CHST6: variants seen among roughly 807,000 people sequenced by gnomAD.
CHST6 encodes the protein carbohydrate sulfotransferase 6.
For synonymous variants in CHST6, 309 were observed against 276.4 expected, an observed-to-expected ratio of 1.12 and a Z score of -1.17; for missense variants, 698 against 586.2, an observed-to-expected ratio of 1.19 and a Z score of -1.97.
chr16:75,485,796 C>T (rs1161315617), intron 1 of CHST6, among the ~76,000 whole-genome samples: 1 of 152,218 alleles, frequency 6.6e-6, no homozygotes, highest in Non-Finnish European at 1.5e-5. Flanking sequence ...GAAGACACAT[C>T]TGGCTATGTG....
chr16:75,485,963 C>A (rs1193397746), intron 1 of CHST6, among the ~76,000 whole-genome samples: 1 of 152,204 alleles, frequency 6.6e-6, no homozygotes, highest in Non-Finnish European at 1.5e-5. Context: ...CCCAGAGGTG[C>A]CTACACCACA....
intron 1 of CHST6, among the ~76,000 whole-genome samples, chr16:75,488,655 C>T (rs997415010): frequency 6.6e-6 from 1 of 152,050 alleles, no homozygotes; most frequent in African/African-American, 2.4e-5. Flanking sequence ...GAGAAGAAAA[C>T]AGAAAATGAG....
In CHST6 at chr16:75,479,222, C is replaced by T. The variant is rs765507898; in HGVS notation, c.607G>A (p.Asp203Asn). 6.8e-6 allele frequency: 11 copies of T among 1,610,528 alleles called. No individual in the cohort carries two copies. Among genetic ancestry groups the T allele is most frequent in the East Asian group, 2.2e-5 (1 of 44,856 alleles). The change falls in exon 3 of 3, where the codon GAC becomes AAC. Residue 203 changes from aspartate to asparagine, a missense_variant. Asp to Asn is a conservative substitution (Grantham distance 23). Transcript: ENST00000332272. Reference protein sequence around the residue: ...LNLRIVHLVRDPRAVLRSREQ... With the variant: ...LNLRIVHLVRNPRAVLRSREQ... Reference sequence around the variant, plus strand: ...CGGGAGCGCAGCACGGCCCGCGGGTCGCGCACCAGGTGCACGATGCGTAGG... The same window carrying T: ...CGGGAGCGCAGCACGGCCCGCGGGTTGCGCACCAGGTGCACGATGCGTAGG...
intron 1 of CHST6, among the ~76,000 whole-genome samples, chr16:75,493,928 T>C (rs538905548): frequency 5.6e-4 from 85 of 152,260 alleles, no homozygotes; most frequent in African/African-American, 2.0e-3. Context: ...CACTGCAACC[T>C]CCGCCTCCTG....
intron 1 of CHST6, among the ~76,000 whole-genome samples, chr16:75,491,057 C>T (rs893495541): frequency 2.0e-5 from 3 of 148,214 alleles, no homozygotes; most frequent in Non-Finnish European, 4.5e-5. Flanking sequence ...AATCCCAGCA[C>T]TTTGGATTAA....
chr16:75,484,829 G>A (rs1268619119), intron 1 of CHST6, among the ~76,000 whole-genome samples: 2 of 152,132 alleles, frequency 1.3e-5, no homozygotes, highest in Non-Finnish European at 2.9e-5. Flanking sequence ...GGGCGACAGA[G>A]CGAGACTCCA....
Position 75,479,106 on chromosome 16 carries a change from C to G in CHST6, c.723G>C (p.Val241=), listed in dbSNP as rs758320093. The part of the protein sequence containing the change: ...TWVEADPGLR[V]VREVCRSHVR... ...CGTGGCTACGGCACACCTCGCGCAC[C>G]ACGCGCAGGCCGGGGTCGGCCTCCA... Residue 241 remains valine (V), a synonymous_variant, in exon 3 of 3, where the codon GTG becomes GTC. Transcript: ENST00000332272. The G allele has an allele frequency of 1.9e-6, 3 of 1,605,056 alleles. No individual in the cohort carries two copies. The highest frequency in any genetic ancestry group is 1.7e-6 in the Non-Finnish European group (2 of 1,178,718).
At chr16:75,483,307 C>T (rs971135200) in intron 1 of CHST6, among the ~76,000 whole-genome samples, 2 of 152,208 alleles carry the variant, frequency 1.3e-5, no homozygotes, top group Non-Finnish European at 2.9e-5. Context: ...TCAGCCCTTC[C>T]CTGGGTAGGG....
intron 1 of CHST6, among the ~76,000 whole-genome samples, chr16:75,483,745 C>T (rs931357759): frequency 3.3e-5 from 5 of 152,132 alleles, no homozygotes; most frequent in Non-Finnish European, 5.9e-5. Context: ...AAGAGCCAGC[C>T]GGGTACGGTA....
At chr16:75,489,073 C>A (rs1373374771) in intron 1 of CHST6, among the ~76,000 whole-genome samples, 1 of 151,680 alleles carries the variant, frequency 6.6e-6, no homozygotes, top group African/African-American at 2.4e-5. Flanking sequence ...ATGATCATCC[C>A]TATTTTATAG....
At chr16:75,492,306 T>C (rs1432948029) in intron 1 of CHST6, among the ~76,000 whole-genome samples, 1 of 152,208 alleles carries the variant, frequency 6.6e-6, no homozygotes. Context: ...TGTAGTACCT[T>C]ACAGCTGGAG....
At chr16:75,488,137 T>A (rs993162975) in intron 1 of CHST6, among the ~76,000 whole-genome samples, 1 of 152,104 alleles carries the variant, frequency 6.6e-6, no homozygotes, top group African/African-American at 2.4e-5. Context: ...GATTTCTCTG[T>A]TTAGAGTTGG....
rs1167078773 is a variant in CHST6, at chr16:75,472,672, A to T, written c.*5969T>A. ...GGGTGACAAAGGCACATCAAAGACA[A>T]AGCTAGGGGACACAGGGTCTGTGGT... On this transcript the variant is annotated 3_prime_UTR_variant, in exon 3 of 3. Coordinates refer to ENST00000332272, the MANE Select transcript of CHST6 (RefSeq NM_021615.5). The T allele has an allele frequency of 6.6e-6, 1 of 152,268 alleles. No homozygotes were observed. Among genetic ancestry groups the T allele is most frequent in the Non-Finnish European group, 1.5e-5 (1 of 68,052 alleles). The allele number at this position is 152,268 out of a possible 1,614,324, so 9.4% of individuals were successfully genotyped here. A position where few individuals can be genotyped will look rare whatever the true frequency, so the allele number is the denominator to read the frequency against.
chr16:75,491,747 C>T (rs1265932911), intron 1 of CHST6, among the ~76,000 whole-genome samples: 2 of 152,174 alleles, frequency 1.3e-5, no homozygotes, highest in Non-Finnish European at 2.9e-5. Context: ...ATGATAAAAT[C>T]AGAAATTTCT....
chr16:75,491,180 AAAAAAAAAAAAT>A (rs1427556511), intron 1 of CHST6, among the ~76,000 whole-genome samples: 458 of 81,570 alleles, frequency 5.6e-3, no homozygotes, highest in South Asian at 0.018. Context: ...AAAAAAAAAA[AAAAAAAAAAAAT>A]ATATATATAT....
rs1428486265 is a variant in CHST6 at position 75,478,936 on chromosome 16, T to G, written c.893A>C (p.Gln298Pro). 2 of 1,612,958 alleles carry G rather than the reference T, an allele frequency of 1.2e-6. No individual in the cohort carries two copies. Among genetic ancestry groups the G allele is most frequent in the African/African-American group, 1.3e-5 (1 of 74,920 alleles). ...GATGTTATGGATCCAGGCCTCGAGC[T>G]GTGGCGTGAGACTGAGCCCAGTGAA... ...YAFTGLSLTP[Q>P]LEAWIHNITH... The change falls in exon 3 of 3, where the codon CAG (glutamine) becomes CCG (proline). Residue 298 changes from glutamine to proline, a missense_variant. Coordinates refer to ENST00000332272, the MANE Select transcript of CHST6 (RefSeq NM_021615.5).
rs1280090242 is a variant in CHST6 at position 75,479,576 on chromosome 16, C to T, written c.253G>A (p.Ala85Thr). Residue 85 changes from alanine (A) to threonine (T), a missense_variant, in exon 3 of 3, where the codon GCC (alanine) becomes ACC (threonine). Ala to Thr is a moderately conservative substitution (Grantham distance 58). Transcript: ENST00000332272. Reference protein sequence around the residue: ...HVWTTLSQGSAATLHMAVRDL... With the variant: ...HVWTTLSQGSTATLHMAVRDL... ...CGCACAGCCATGTGCAGCGTTGCGG[C>T]GCTGCCCTGCGACAGGGTGGTCCAC... is the stretch of plus-strand genomic sequence containing the variant. The T allele has an allele frequency of 1.2e-6, 2 of 1,612,978 alleles. No individual in the cohort carries two copies. The highest frequency in any genetic ancestry group is 1.7e-6 in the Non-Finnish European group (2 of 1,179,892).
intron 1 of CHST6, among the ~76,000 whole-genome samples, chr16:75,482,321 G>T (rs112452005): frequency 0.017 from 2,628 of 152,320 alleles, 24 homozygotes; most frequent in Non-Finnish European, 0.025. Context: ...GGCCAAGGCA[G>T]GCAGATCACC....
chr16:75,478,912 A>G lies in CHST6; in HGVS notation c.917T>C (p.Ile306Thr), dbSNP rs1237978414. The G allele has an allele frequency of 3.1e-6, 5 of 1,612,888 alleles. No homozygotes were observed. The highest frequency in any genetic ancestry group is 1.6e-4 in the Middle Eastern group (1 of 6,082). Residue 306 changes from isoleucine to threonine, a missense_variant, in exon 3 of 3, where the codon ATC (isoleucine) becomes ACC (threonine). Transcript: ENST00000332272. ...CGCACCAGGTCCAGATCCGTGGGTG[A>G]TGTTATGGATCCAGGCCTCGAGCTG... The part of the protein sequence containing the change: ...TPQLEAWIHN[I>T]THGSGPGARR...
Sources: allele counts gnomAD v4.1 joint callset (sites outside exome capture counted in the v4.1 genomes callset), GRCh38; gene constraint gnomAD v4.1.1; transcripts MANE v1.5; gene names NCBI Gene and HGNC (gene_info 2026-07-23, HGNC 2026-07-21).